ARID5B: variants seen among roughly 807,000 people sequenced by gnomAD.
ARID5B encodes AT-rich interactive domain-containing protein 5B.
In ARID5B, 13 loss-of-function variants were observed where a neutral mutation model predicts 97.2. The ratio of observed to expected loss-of-function variants is 0.13; its 90% confidence interval spans 0.09 to 0.21. ARID5B has a LOEUF of 0.21. ARID5B is among the 10% of genes least tolerant of loss of function. The pLI is 1.00. For missense variants in ARID5B, 1,210 were observed against 1,465.3 expected, an observed-to-expected ratio of 0.83 and a Z score of 2.84; for synonymous variants, 556 against 570.3, an observed-to-expected ratio of 0.97 and a Z score of 0.36.
At chr10:61,937,592 TA>T (rs1301376443) in intron 2 of ARID5B, among the ~76,000 whole-genome samples, 2 of 152,208 alleles carry the variant, frequency 1.3e-5, no homozygotes, top group African/African-American at 2.4e-5. Flanking sequence ...TAACAAAGTG[TA>T]TTTCTTTGTG....
chr10:62,072,755 C>A (rs982128750), intron 8 of ARID5B, among the ~76,000 whole-genome samples: 6 of 152,222 alleles, frequency 3.9e-5, no homozygotes, highest in African/African-American at 1.4e-4. Context: ...TACAACAGTG[C>A]CTCTCTCAAT....
intron 2 of ARID5B, among the ~76,000 whole-genome samples, chr10:61,915,254 A>C (rs1274585512): frequency 6.6e-6 from 1 of 152,182 alleles, no homozygotes; most frequent in African/African-American, 2.4e-5. Flanking sequence ...GAGGTGGAAA[A>C]CCAGGCAGAT....
chr10:61,929,724 A>G (rs1844170878), intron 2 of ARID5B, among the ~76,000 whole-genome samples: 1 of 152,192 alleles, frequency 6.6e-6, no homozygotes, highest in Admixed American at 6.5e-5. Flanking sequence ...AGGGAATTAC[A>G]TCCGGGAAGG....
chr10:62,001,946 A>C (rs1003381098), intron 4 of ARID5B, among the ~76,000 whole-genome samples: 2 of 152,200 alleles, frequency 1.3e-5, no homozygotes, highest in African/African-American at 4.8e-5. Context: ...TTTTCAGATC[A>C]GCATTTACAA....
Position 62,096,436 on chromosome 10 carries a change from A to G in ARID5B, c.*3406A>G, listed in dbSNP as rs1840471558. 1 of 233,478 alleles carries G rather than the reference A, an allele frequency of 4.3e-6. No individual in the cohort carries two copies. Among genetic ancestry groups the G allele is most frequent in the African/African-American group, 2.2e-5 (1 of 45,352 alleles). The allele number at this position is 233,478 out of a possible 1,614,324, so 14.5% of individuals were successfully genotyped here. On this transcript the variant is annotated 3_prime_UTR_variant, in exon 10 of 10. Transcript: ENST00000279873. ...ACTCTTGTCCCAATTTTAAAGAGAA[A>G]TGGGAATGAGTTTGCCCTGGTGAGA...
intron 2 of ARID5B, among the ~76,000 whole-genome samples, chr10:61,914,961 T>C (rs1843875359): frequency 6.6e-6 from 1 of 152,232 alleles, no homozygotes; most frequent in Non-Finnish European, 1.5e-5. Flanking sequence ...ATTATAACTT[T>C]AGAATATATT....
At chr10:61,971,865 C>T (rs1242837284) in intron 3 of ARID5B, among the ~76,000 whole-genome samples, 3 of 152,008 alleles carry the variant, frequency 2.0e-5, no homozygotes, top group Non-Finnish European at 4.4e-5. Flanking sequence ...TCTTCTTGCT[C>T]GTTGTGTTGA....
intron 3 of ARID5B, among the ~76,000 whole-genome samples, chr10:61,941,832 T>G (rs544350289): frequency 2.0e-5 from 3 of 152,354 alleles, no homozygotes; most frequent in Non-Finnish European, 4.4e-5. Flanking sequence ...AAGAGTTTTT[T>G]GATAATCTTC....
chr10:62,037,861 A>G (rs1438922696), intron 4 of ARID5B, among the ~76,000 whole-genome samples: 1 of 152,234 alleles, frequency 6.6e-6, no homozygotes, highest in African/African-American at 2.4e-5. Flanking sequence ...AAAATCAAAC[A>G]ACTGTTGTTG....
At chr10:62,009,593 C>T (rs1427131383) in intron 4 of ARID5B, among the ~76,000 whole-genome samples, 1 of 152,054 alleles carries the variant, frequency 6.6e-6, no homozygotes, top group South Asian at 2.1e-4. Context: ...AAAGCAAAAC[C>T]CCACACACCC....
Position 62,094,028 on chromosome 10 carries a change from CT to C in ARID5B, c.*1000del, listed in dbSNP as rs541457658. The C allele has an allele frequency of 4.2e-4, 99 of 233,582 alleles. No individual in the cohort carries two copies. The highest frequency in any genetic ancestry group is 7.5e-4 in the Non-Finnish European group (88 of 118,010). The allele number at this position is 233,582 out of a possible 1,614,324, so 14.5% of individuals were successfully genotyped here. ...TGAAAATATTGAGCATTGTACTTAC[CT>C]TATCTAGGCTGTGAAACTGTCCTAC... On this transcript the variant is annotated 3_prime_UTR_variant, in exon 10 of 10. Transcript: ENST00000279873.
chr10:62,049,224 C>A (rs997557722), intron 4 of ARID5B: 3 of 1,358,350 alleles, frequency 2.2e-6, no homozygotes, highest in African/African-American at 3.0e-5. Context: ...GCCCTCCCTG[C>A]CAGTCTGGCA....
In ARID5B at chr10:62,074,602, G is replaced by A. The variant is rs541066809; in HGVS notation, c.1199+4805G>A. Among the ~76,000 whole-genome samples the A allele has an allele frequency of 1.5e-4, 23 of 152,294 alleles. 1 individual carries two copies. In the South Asian group the frequency reaches 4.8e-3, roughly 32 times the overall value. On this transcript the variant is annotated intron_variant, in intron 8 of 9. Coordinates refer to ENST00000279873, the MANE Select transcript of ARID5B (RefSeq NM_032199.3). Reference sequence around the variant, plus strand: ...TAAGGAACCCACCTAATCATACCATGGATAAAGGCTGGGGAAGGAAAGGTG... The same window carrying A: ...TAAGGAACCCACCTAATCATACCATAGATAAAGGCTGGGGAAGGAAAGGTG...
intron 2 of ARID5B, among the ~76,000 whole-genome samples, chr10:61,909,407 G>T (rs1843764579): frequency 7.2e-6 from 1 of 138,904 alleles, no homozygotes; most frequent in Admixed American, 8.2e-5. Context: ...CTCACTGCCA[G>T]CTCCGCCTCC....
intron 2 of ARID5B, among the ~76,000 whole-genome samples, chr10:61,916,443 C>A (rs1211972647): frequency 6.6e-6 from 1 of 152,080 alleles, no homozygotes. Context: ...AAAATGCCAA[C>A]CCCTCATTTA....
At chr10:61,971,103 C>T (rs1838621182) in intron 3 of ARID5B, among the ~76,000 whole-genome samples, 1 of 152,152 alleles carries the variant, frequency 6.6e-6, no homozygotes, top group African/African-American at 2.4e-5. Context: ...GGCATCCTGC[C>T]TTTTGGCTGG....
intron 3 of ARID5B, among the ~76,000 whole-genome samples, chr10:61,969,186 A>G (rs1564615989): frequency 6.6e-6 from 1 of 152,064 alleles, no homozygotes; most frequent in Non-Finnish European, 1.5e-5. Context: ...TTTGTTTTGT[A>G]TTTTCCAAGA....
chr10:62,046,174 G>T (rs1440019831), intron 4 of ARID5B, among the ~76,000 whole-genome samples: 3 of 151,970 alleles, frequency 2.0e-5, no homozygotes, highest in African/African-American at 4.8e-5. Flanking sequence ...TATCTTCGTG[G>T]TATTTCCAAG....
chr10:62,013,415 C>T (rs1451596468), intron 4 of ARID5B, among the ~76,000 whole-genome samples: 1 of 152,098 alleles, frequency 6.6e-6, no homozygotes, highest in Admixed American at 6.5e-5. Flanking sequence ...TTAGCACATG[C>T]ATTACCTCAC....
Sources: gnomAD v4.1 joint callset for allele counts (sites outside exome capture counted in the v4.1 genomes callset) on GRCh38, gnomAD v4.1.1 for gene constraint, MANE v1.5 for transcripts, NCBI Gene and HGNC (gene_info 2026-07-23, HGNC 2026-07-21) for gene names.